TRMT10B: variants seen among roughly 807,000 people sequenced by gnomAD.
The protein encoded by TRMT10B is tRNA methyltransferase 10B.
In TRMT10B, 33 loss-of-function variants were observed where a neutral mutation model predicts 43.8. The observed-to-expected ratio is 0.75, with a 90% CI of 0.57 to 1.01. The LOEUF is 1.01. Among genes scored for constraint, TRMT10B ranks in the 50% least tolerant of loss-of-function variants. The pLI, the probability that TRMT10B is intolerant of heterozygous loss-of-function variation, is 0.00. For missense variants in TRMT10B, 362 were observed against 369.8 expected, an observed-to-expected ratio of 0.98 and a Z score of 0.17; for synonymous variants, 137 against 130.6, an observed-to-expected ratio of 1.05 and a Z score of -0.34.
chr9:37,762,593 A>G lies in TRMT10B; in HGVS notation c.203A>G (p.Lys68Arg). 2 of 1,593,280 alleles carry G rather than the reference A, an allele frequency of 1.3e-6. No individual in the cohort carries two copies. Among genetic ancestry groups the G allele is most frequent in the Non-Finnish European group, 1.7e-6 (2 of 1,169,186 alleles). Residue 68 changes from lysine to arginine, a missense_variant, in exon 3 of 9, where the codon AAA (lysine) becomes AGA (arginine). Lys to Arg is a conservative substitution (Grantham distance 26). Coordinates refer to ENST00000297994, the MANE Select transcript of TRMT10B (RefSeq NM_144964.4). ...TAATATAAGAAAAATGTCCAGAGAA[A>G]ACAGAGACACTGGGAAAAGATAGTT... ...TAWCSKNVQR[K>R]QRHWEKIVAA...
At chr9:37,757,353 G>A (rs944952012) in intron 1 of TRMT10B, among the ~76,000 whole-genome samples, 6 of 152,172 alleles carry the variant, frequency 3.9e-5, no homozygotes, top group African/African-American at 1.4e-4. Context: ...TGCGATTACA[G>A]GCATGAGCTT....
At position 37,776,404 on chromosome 9, in the gene TRMT10B, A is replaced by G; in HGVS notation, c.843A>G (p.Gln281=). 1 of 1,607,492 alleles carries G rather than the reference A, an allele frequency of 6.2e-7. No individual in the cohort carries two copies. The highest frequency in any genetic ancestry group is 8.5e-7 in the Non-Finnish European group (1 of 1,177,742). Residue 281 remains glutamine (Q), a splice_region_variant and synonymous_variant, in exon 8 of 9, where the codon CAA becomes CAG. Transcript: ENST00000297994. Reference sequence around the variant, plus strand: ...ATTCAGAGATACTGGCCATCAATCAAGGTACTTCTTACACGGCCCCCATCC... The same window carrying G: ...ATTCAGAGATACTGGCCATCAATCAGGGTACTTCTTACACGGCCCCCATCC... The part of the protein sequence containing the change: ...NYHSEILAIN[Q]VFDILSTYLE...
Position 37,761,889 on chromosome 9 carries a change from G to T in TRMT10B, c.-29-14G>T. The stretch of plus-strand genomic sequence containing the variant: ...AAATAATGTAATAGCTCACATAATT[G>T]TGCCTTTTTCCAGTCTGGTGGAAAG... On this transcript the variant is annotated splice_polypyrimidine_tract_variant and intron_variant, in intron 1 of 8. Transcript: ENST00000297994. The T allele has an allele frequency of 6.4e-7, 1 of 1,552,976 alleles. No individual in the cohort carries two copies. Among genetic ancestry groups the T allele is most frequent in the Non-Finnish European group, 8.8e-7 (1 of 1,137,484 alleles).
chr9:37,767,726 T>C (rs887731196), intron 4 of TRMT10B, among the ~76,000 whole-genome samples: 1 of 152,094 alleles, frequency 6.6e-6, no homozygotes, highest in Non-Finnish European at 1.5e-5. Flanking sequence ...TTATATGATG[T>C]TCTGTAAAAA....
intron 2 of TRMT10B, among the ~76,000 whole-genome samples, 170 bp downstream of exon 2, chr9:37,762,287 T>A (rs987932915): frequency 6.6e-6 from 1 of 152,172 alleles, no homozygotes; most frequent in Non-Finnish European, 1.5e-5. Context: ...ATTTGAGTCA[T>A]AGGAAAAGTT....
upstream of TRMT10B, among the ~76,000 whole-genome samples, chr9:37,752,994 TTG>T (rs1825092050): frequency 6.6e-6 from 1 of 152,282 alleles, no homozygotes; most frequent in African/African-American, 2.4e-5. Flanking sequence ...CCTACTGTCT[TTG>T]TGAGCTATAA....
rs559925769 is a variant in TRMT10B at position 37,767,945 on chromosome 9, G to A, written c.421-131G>A. 1.5e-4 allele frequency: 125 copies of A among 854,486 alleles called. 1 individual carries two copies. The highest frequency in any genetic ancestry group is 1.2e-3 in the South Asian group (71 of 57,482). The allele number at this position is 854,486 out of a possible 1,614,324, so 52.9% of individuals were successfully genotyped here. A position where few individuals can be genotyped will look rare whatever the true frequency, so the allele number is the denominator to read the frequency against. On this transcript the variant is annotated intron_variant, in intron 4 of 8. Coordinates refer to ENST00000297994, the MANE Select transcript of TRMT10B (RefSeq NM_144964.4). ...TGTGATGCCATAAGGTATAATACAC[G>A]CACACATGTACTCCTAGTACATGGG...
intron 4 of TRMT10B, among the ~76,000 whole-genome samples, chr9:37,765,066 GGATAAA>G (rs1826834223): frequency 1.3e-5 from 2 of 152,036 alleles, no homozygotes; most frequent in African/African-American, 4.8e-5. Flanking sequence ...AACTCCTTAG[GGATAAA>G]GAGATTATGC....
chr9:37,776,400 A>T lies in TRMT10B; in HGVS notation c.839A>T (p.Asn280Ile). Residue 280 changes from asparagine (N) to isoleucine (I), a missense_variant, in exon 8 of 9, where the codon AAT (asparagine) becomes ATT (isoleucine). Asn to Ile is a moderately radical substitution (Grantham distance 149). Coordinates refer to ENST00000297994, the MANE Select transcript of TRMT10B (RefSeq NM_144964.4). ...TATCATTCAGAGATACTGGCCATCAATCAAGGTACTTCTTACACGGCCCCC... is the reference window on the plus strand; with the variant it reads ...TATCATTCAGAGATACTGGCCATCATTCAAGGTACTTCTTACACGGCCCCC... Reference protein sequence around the residue: ...KNYHSEILAINQVFDILSTYL... With the variant: ...KNYHSEILAIIQVFDILSTYL... The T allele has an allele frequency of 6.2e-7, 1 of 1,608,556 alleles. No individual in the cohort carries two copies. The highest frequency in any genetic ancestry group is 8.5e-7 in the Non-Finnish European group (1 of 1,178,136).
chr9:37,757,643 C>A (rs1825864822), intron 1 of TRMT10B, among the ~76,000 whole-genome samples: 1 of 152,126 alleles, frequency 6.6e-6, no homozygotes, highest in Admixed American at 6.5e-5. Flanking sequence ...TCATGAATAA[C>A]CAAAACTGCT....
chr9:37,764,363 C>T (rs1280654562), intron 4 of TRMT10B, among the ~76,000 whole-genome samples: 4 of 142,422 alleles, frequency 2.8e-5, no homozygotes, highest in African/African-American at 7.9e-5. Flanking sequence ...ACTCTGTTGC[C>T]GGGGCTGGAG....
In TRMT10B at chr9:37,770,683, G is replaced by A. The variant is rs750512742; in HGVS notation, c.664G>A (p.Val222Ile). Residue 222 changes from valine (V) to isoleucine (I), a missense_variant, in exon 7 of 9, where the codon GTT becomes ATT. Physicochemically the swap from Val to Ile is conservative, Grantham distance 29. Transcript: ENST00000297994. ...CATTTTTTCATTAGCTCTTGAAGAT[G>A]TTGATCTAAACAAAGTTTACATCCT... is the stretch of plus-strand genomic sequence containing the variant. ...TPDSEHALED[V>I]DLNKVYILGG... 1 of 1,613,672 alleles carries A rather than the reference G, an allele frequency of 6.2e-7. No homozygotes were observed. Among genetic ancestry groups the A allele is most frequent in the Non-Finnish European group, 8.5e-7 (1 of 1,179,954 alleles).
intron 7 of TRMT10B, among the ~76,000 whole-genome samples, chr9:37,775,615 G>C (rs540706494): frequency 2.6e-5 from 4 of 152,230 alleles, no homozygotes; most frequent in Admixed American, 1.3e-4. Flanking sequence ...TTGCAGCCTT[G>C]ATATATGTCC....
chr9:37,759,370 C>T (rs1409102135), intron 1 of TRMT10B, among the ~76,000 whole-genome samples: 1 of 152,128 alleles, frequency 6.6e-6, no homozygotes, highest in Non-Finnish European at 1.5e-5. Context: ...AAGTCAAGTG[C>T]TAAAGAGTAC....
chr9:37,756,853 TAC>T lies in TRMT10B; in HGVS notation c.-30+3011_-30+3012del, dbSNP rs113116259. Among the ~76,000 whole-genome samples, 273 of 151,890 alleles carry T rather than the reference TAC, an allele frequency of 1.8e-3. 1 individual carries two copies. The highest frequency in any genetic ancestry group is 2.5e-3 in the South Asian group (12 of 4,816). On this transcript the variant is annotated intron_variant, in intron 1 of 8. Coordinates refer to ENST00000297994, the MANE Select transcript of TRMT10B (RefSeq NM_144964.4). ...GCGTGTGTATGTATGTGTGTATATATACACACACACATATACATACACACATA... is the reference window on the plus strand; with the variant it reads ...GCGTGTGTATGTATGTGTGTATATATACACACACATATACATACACACATA...
intron 7 of TRMT10B, among the ~76,000 whole-genome samples, chr9:37,773,956 T>TTA (rs1827856115): frequency 1.6e-5 from 2 of 127,706 alleles, no homozygotes; most frequent in South Asian, 2.6e-4. Flanking sequence ...ACCCTGTCTC[T>TTA]AAAAAAAAAA....
rs192510479 is a variant in TRMT10B at position 37,772,606 on chromosome 9, G to A, written c.720+1867G>A. Among the ~76,000 whole-genome samples the A allele has an allele frequency of 3.5e-4, 53 of 152,262 alleles. No homozygotes were observed. The East Asian group carries it at 9.1e-3, about 26-fold the overall frequency. Reference sequence around the variant, plus strand: ...GAAAATGTTTAAGCTGAATTTAATTGTGAGGAAACAGACAAATCAGAATGT... The same window carrying A: ...GAAAATGTTTAAGCTGAATTTAATTATGAGGAAACAGACAAATCAGAATGT... On this transcript the variant is annotated intron_variant, in intron 7 of 8. Transcript: ENST00000297994.
Position 37,770,735 on chromosome 9 carries a change from A to G in TRMT10B, c.716A>G (p.Gln239Arg), listed in dbSNP as rs1170589185. ...ILGGLVDESIQKKVTFQKARE... is the reference protein window; with the variant it reads ...ILGGLVDESIRKKVTFQKARE... ...GGTGGGCTTGTGGATGAAAGCATTCAGAAGGTAAGTATACATTTCAGCCCC... is the reference window on the plus strand; with the variant it reads ...GGTGGGCTTGTGGATGAAAGCATTCGGAAGGTAAGTATACATTTCAGCCCC... Residue 239 changes from glutamine (Q) to arginine (R), a missense_variant, in exon 7 of 9, where the codon CAG becomes CGG. By Grantham distance (43) the Gln-to-Arg change is conservative. Transcript: ENST00000297994. 1 of 1,613,914 alleles carries G rather than the reference A, an allele frequency of 6.2e-7. No homozygotes were observed. Among genetic ancestry groups the G allele is most frequent in the Non-Finnish European group, 8.5e-7 (1 of 1,180,030 alleles).
upstream of TRMT10B, among the ~76,000 whole-genome samples, chr9:37,753,605 CCAG>C (rs1345291441): frequency 1.3e-5 from 2 of 152,262 alleles, no homozygotes; most frequent in African/African-American, 4.8e-5. Flanking sequence ...TAATAGCTGT[CCAG>C]CAGACGGGGA....
Sources: gnomAD v4.1 joint callset for allele counts (sites outside exome capture counted in the v4.1 genomes callset) on GRCh38, gnomAD v4.1.1 for gene constraint, MANE v1.5 for transcripts, NCBI Gene and HGNC (gene_info 2026-07-23, HGNC 2026-07-21) for gene names.